The following TMEM108 variants were observed in gnomAD, a reference collection of about 807,000 sequenced individuals.
The protein encoded by TMEM108 is cancer/testis antigen 124.
In TMEM108, 12 loss-of-function variants were observed where a neutral mutation model predicts 35.1. That is an observed-to-expected ratio of 0.34 (90% CI 0.22 to 0.55). TMEM108 has a LOEUF of 0.55. TMEM108 is among the 20% of genes least tolerant of loss of function. The pLI is 0.89. For synonymous variants in TMEM108, 287 were observed against 308.6 expected (o/e 0.93, Z 0.73); for missense variants, 680 against 753.3 (o/e 0.90, Z 1.14).
chr3:133,222,806 T>G lies in TMEM108; in HGVS notation c.-46-6460T>G, dbSNP rs564159501. 3.9e-5 allele frequency among the ~76,000 whole-genome samples: 6 copies of G among 152,248 alleles called. No homozygotes were observed. The East Asian group carries it at 1.2e-3, about 29-fold the overall frequency. The stretch of plus-strand genomic sequence containing the variant: ...TTATTATTCTCCTGATTTTGTTGAA[T>G]TGTTTCTCTGCACTTAACTTCCTTC... On this transcript the variant is annotated intron_variant, in intron 2 of 5. Transcript: ENST00000321871.
intron 2 of TMEM108, among the ~76,000 whole-genome samples, chr3:133,176,049 C>A (rs1945221773): frequency 6.6e-6 from 1 of 152,128 alleles, no homozygotes; most frequent in Admixed American, 6.5e-5. Flanking sequence ...AGAATTTAAA[C>A]CAACAAAGAT....
intron 5 of TMEM108, among the ~76,000 whole-genome samples, chr3:133,394,935 G>C (rs75463707): frequency 0.031 from 4,764 of 152,326 alleles, 100 homozygotes; most frequent in Non-Finnish European, 0.048. Context: ...GCCTATAGTT[G>C]AGTCTTTGTC....
At chr3:133,337,642 G>A (rs905976570) in intron 3 of TMEM108, among the ~76,000 whole-genome samples, 35 of 152,008 alleles carry the variant, frequency 2.3e-4, no homozygotes, top group African/African-American at 5.8e-4. Flanking sequence ...ATGCCCAGAC[G>A]TCGAAGAACA....
intron 2 of TMEM108, among the ~76,000 whole-genome samples, chr3:133,117,173 A>G (rs1399204584): frequency 6.6e-6 from 1 of 152,234 alleles, no homozygotes; most frequent in Non-Finnish European, 1.5e-5. Flanking sequence ...TTACTCTAAA[A>G]ATAGAATATA....
intron 2 of TMEM108, among the ~76,000 whole-genome samples, chr3:133,125,458 C>T (rs1195888475): frequency 6.6e-6 from 1 of 152,078 alleles, no homozygotes; most frequent in African/African-American, 2.4e-5. Context: ...ATTTAACCTC[C>T]CTGATTAATT....
intron 2 of TMEM108, among the ~76,000 whole-genome samples, chr3:133,150,772 A>C (rs554550536): frequency 1.3e-5 from 2 of 152,142 alleles, no homozygotes; most frequent in African/African-American, 4.8e-5. Context: ...AAGTAGTCTG[A>C]TGGCGCAGTG....
intron 3 of TMEM108, among the ~76,000 whole-genome samples, chr3:133,338,110 A>C (rs1559910992): frequency 1.3e-5 from 2 of 152,162 alleles, no homozygotes; most frequent in Non-Finnish European, 2.9e-5. Flanking sequence ...CTTAAAGAGG[A>C]GATGGAGAAA....
intron 2 of TMEM108, among the ~76,000 whole-genome samples, chr3:133,188,546 A>C (rs940910979): frequency 3.3e-5 from 5 of 152,014 alleles, no homozygotes; most frequent in African/African-American, 1.2e-4. Context: ...TCCTTGGACC[A>C]TGAGCCCAAA....
In TMEM108 at chr3:133,092,257, T is replaced by C. The variant is rs367666646; in HGVS notation, c.-47+46237T>C. The stretch of plus-strand genomic sequence containing the variant: ...GACAAGGAACCAGCTATGTAAAAGA[T>C]AGCAGATGTCTAGAACTTTCTTCTA... On this transcript the variant is annotated intron_variant, in intron 2 of 5. Coordinates refer to ENST00000321871, the MANE Select transcript of TMEM108 (RefSeq NM_023943.4). Among the ~76,000 whole-genome samples, 4 of 152,358 alleles carry C rather than the reference T, an allele frequency of 2.6e-5. No homozygotes were observed. In the South Asian group the frequency reaches 8.3e-4, roughly 32 times the overall value.
In TMEM108 at chr3:133,312,208, C is replaced by T. The variant is rs796743349; in HGVS notation, c.41-67544C>T. On this transcript the variant is annotated intron_variant, in intron 3 of 5. Coordinates refer to ENST00000321871, the MANE Select transcript of TMEM108 (RefSeq NM_023943.4). The stretch of plus-strand genomic sequence containing the variant: ...GGGGTCAGGGACCTACTTGAGGAGG[C>T]GGTCTGTCCATTCTCAGTGCTCAAA... Among the ~76,000 whole-genome samples the T allele has an allele frequency of 1.2e-4, 19 of 152,348 alleles. 1 individual carries two copies. Among genetic ancestry groups the T allele is most frequent in the African/African-American group, 2.9e-4 (12 of 41,586 alleles).
chr3:133,354,259 G>A (rs112529991), intron 3 of TMEM108, among the ~76,000 whole-genome samples: 97 of 152,292 alleles, frequency 6.4e-4, no homozygotes, highest in African/African-American at 2.1e-3. Flanking sequence ...GTGAGAGCAC[G>A]ATATACACCA....
intron 3 of TMEM108, among the ~76,000 whole-genome samples, chr3:133,319,202 C>T (rs1189660013): frequency 6.6e-6 from 1 of 152,170 alleles, no homozygotes; most frequent in African/African-American, 2.4e-5. Context: ...CAAGAAGAGT[C>T]TGAGCTGGGT....
intron 3 of TMEM108, among the ~76,000 whole-genome samples, chr3:133,233,028 T>A (rs532349261): frequency 0.032 from 2,145 of 67,714 alleles, 61 homozygotes; most frequent in African/African-American, 0.079. Flanking sequence ...CCACTTTCGT[T>A]TTTTTTTTTT....
chr3:133,106,073 A>G (rs1352271500), intron 2 of TMEM108, among the ~76,000 whole-genome samples: 1 of 152,102 alleles, frequency 6.6e-6, no homozygotes, highest in African/African-American at 2.4e-5. Flanking sequence ...TCATTTAAAT[A>G]CATACTTATA....
At chr3:133,360,005 G>GT (rs1257149938) in intron 3 of TMEM108, among the ~76,000 whole-genome samples, 1 of 77,086 alleles carries the variant, frequency 1.3e-5, no homozygotes, top group Non-Finnish European at 2.6e-5. Context: ...CTACTCAACA[G>GT]TTAAAAAAAA....
intron 3 of TMEM108, among the ~76,000 whole-genome samples, chr3:133,325,360 A>G (rs2071317064): frequency 6.6e-6 from 1 of 152,198 alleles, no homozygotes; most frequent in African/African-American, 2.4e-5. Context: ...GGATAAAACT[A>G]TGCATTGGCT....
intron 3 of TMEM108, among the ~76,000 whole-genome samples, chr3:133,255,241 C>T (rs1364467697): frequency 6.6e-6 from 1 of 152,032 alleles, no homozygotes; most frequent in African/African-American, 2.4e-5. Flanking sequence ...ATTGTTGCAT[C>T]CATTTTAGAG....
intron 2 of TMEM108, among the ~76,000 whole-genome samples, chr3:133,149,550 G>A (rs1944768142): frequency 6.6e-6 from 1 of 152,120 alleles, no homozygotes. Context: ...CTGTTTCTAT[G>A]AGTTCAACTG....
chr3:133,143,262 A>G (rs1023255418), intron 2 of TMEM108, among the ~76,000 whole-genome samples: 1 of 152,140 alleles, frequency 6.6e-6, no homozygotes, highest in African/African-American at 2.4e-5. Flanking sequence ...AATTACTTAG[A>G]TATATTCAGT....
Sources: gnomAD v4.1 joint callset for allele counts (sites outside exome capture counted in the v4.1 genomes callset) on GRCh38, gnomAD v4.1.1 for gene constraint, MANE v1.5 for transcripts, NCBI Gene and HGNC (gene_info 2026-07-23, HGNC 2026-07-21) for gene names.